Variants in LGALS13 observed in about 807,000 individuals in gnomAD.
The protein encoded by LGALS13 is galectin 13.
In LGALS13, 11 loss-of-function variants were observed where a neutral mutation model predicts 13.2. The ratio of observed to expected loss-of-function variants is 0.83; its 90% confidence interval spans 0.52 to 1.38. The LOEUF (loss-of-function observed/expected upper bound fraction) is 1.38. Among genes scored for constraint, LGALS13 ranks in the 40% most tolerant of loss-of-function variants. The pLI, the probability that LGALS13 is intolerant of heterozygous loss-of-function variation, is 0.00. For synonymous variants in LGALS13, 71 were observed against 63.7 expected (o/e 1.11, Z -0.54); for missense variants, 183 against 174.3 (o/e 1.05, Z -0.28).
At chr19:39,602,996 G>A (rs932354055) in intron 1 of LGALS13, among the ~76,000 whole-genome samples, 2 of 152,190 alleles carry the variant, frequency 1.3e-5, no homozygotes, top group African/African-American at 4.8e-5. Flanking sequence ...GTGAGCAGGT[G>A]TGTGTGACGC....
Position 39,606,624 on chromosome 19 carries a change from G to A in LGALS13, c.304-599G>A, listed in dbSNP as rs144271645. Among the ~76,000 whole-genome samples the A allele has an allele frequency of 2.0e-4, 30 of 152,316 alleles. No individual in the cohort carries two copies. The East Asian group carries it at 5.2e-3, about 26-fold the overall frequency. On this transcript the variant is annotated intron_variant, in intron 3 of 3. Transcript: ENST00000221797. ...CATACTTTCTGGCTTTCTCTAACGA[G>A]TAGGCCAAAACATTCACATCTTATT...
intron 1 of LGALS13, among the ~76,000 whole-genome samples, chr19:39,602,801 G>A (rs1201116716): frequency 6.6e-6 from 1 of 152,204 alleles, no homozygotes; most frequent in African/African-American, 2.4e-5. Flanking sequence ...TGAGTGTGAG[G>A]TGGTGTCTGA....
rs937174038 is a variant in LGALS13, at chr19:39,606,305, G to A, written c.303+917G>A. On this transcript the variant is annotated intron_variant, in intron 3 of 3. Coordinates refer to ENST00000221797, the MANE Select transcript of LGALS13 (RefSeq NM_013268.3). ...ATATTGAAGACATTATCAATCTGTC[G>A]TGCTGCTTCAGTTTTTAAAGATTGC... 7.2e-5 allele frequency among the ~76,000 whole-genome samples: 11 copies of A among 152,156 alleles called. No individual in the cohort carries two copies. In the South Asian group the frequency reaches 8.3e-4, roughly 11 times the overall value.
chr19:39,606,106 C>T (rs1275924810), intron 3 of LGALS13, among the ~76,000 whole-genome samples: 1 of 152,160 alleles, frequency 6.6e-6, no homozygotes, highest in Non-Finnish European at 1.5e-5. Context: ...TTTGGCCTCT[C>T]AATATAATGG....
At chr19:39,603,739 T>A (rs1972637098) in intron 1 of LGALS13, among the ~76,000 whole-genome samples, 1 of 152,202 alleles carries the variant, frequency 6.6e-6, no homozygotes, top group Admixed American at 6.5e-5. Flanking sequence ...TTCCCAGCTA[T>A]TCAAGAGGGA....
Position 39,607,269 on chromosome 19 carries a change from C to T in LGALS13, c.350C>T (p.Pro117Leu), listed in dbSNP as rs187900950. 5.6e-5 allele frequency: 90 copies of T among 1,614,060 alleles called. No individual in the cohort carries two copies. In the East Asian group the frequency reaches 1.0e-3, roughly 18 times the overall value. ...IRIYGFVHRIPPSFVKMVQVS... is the reference protein window; with the variant it reads ...IRIYGFVHRILPSFVKMVQVS... ...ATTTACGGCTTTGTCCATCGAATCCCGCCATCATTTGTGAAGATGGTGCAA... is the reference window on the plus strand; with the variant it reads ...ATTTACGGCTTTGTCCATCGAATCCTGCCATCATTTGTGAAGATGGTGCAA... Residue 117 changes from proline (P) to leucine (L), a missense_variant, in exon 4 of 4, where the codon CCG becomes CTG. Transcript: ENST00000221797.
chr19:39,606,235 C>T (rs1408700186), intron 3 of LGALS13, among the ~76,000 whole-genome samples: 1 of 152,224 alleles, frequency 6.6e-6, no homozygotes, highest in Admixed American at 6.5e-5. Context: ...AGTTGCTCTA[C>T]ACATTACGCT....
At position 39,602,561 on chromosome 19, in the gene LGALS13, A is replaced by G. The variant is rs1253628999; in HGVS notation, c.-8A>G. 20 of 1,614,000 alleles carry G rather than the reference A, an allele frequency of 1.2e-5. No homozygotes were observed. Among genetic ancestry groups the G allele is most frequent in the Non-Finnish European group, 1.6e-5 (19 of 1,179,936 alleles). ...TCAATTCTGAAGGTCGCCAAGAAGG[A>G]GAGAACAATGTCTTCTTTACCCGTG... On this transcript the variant is annotated 5_prime_UTR_variant, in exon 1 of 4. Coordinates refer to ENST00000221797, the MANE Select transcript of LGALS13 (RefSeq NM_013268.3).
At position 39,607,437 on chromosome 19, in the gene LGALS13, TC is replaced by T. The variant is rs1972710232; in HGVS notation, c.*102del. On this transcript the variant is annotated 3_prime_UTR_variant, in exon 4 of 4. Transcript: ENST00000221797. ...AACAGAATAATCCCTGCTCACATTT[TC>T]CCCTACACTTTGTCATTAAAACAGC... 2 of 827,754 alleles carry T rather than the reference TC, an allele frequency of 2.4e-6. No homozygotes were observed. The highest frequency in any genetic ancestry group is 2.7e-5 in the South Asian group (2 of 73,604). 51.3% of individuals were successfully genotyped at this position (827,754 alleles called of 1,614,324 possible).
chr19:39,607,300 G>C lies in LGALS13; in HGVS notation c.381G>C (p.Ser127=), dbSNP rs756342845. Residue 127 remains serine (S), a synonymous_variant, in exon 4 of 4, where the codon TCG becomes TCC. Transcript: ENST00000221797. ...CATTTGTGAAGATGGTGCAAGTGTC[G>C]AGAGATATCTCCCTGACCTCAGTGT... ...PPSFVKMVQV[S]RDISLTSVCV... 1 of 1,613,740 alleles carries C rather than the reference G, an allele frequency of 6.2e-7. No individual in the cohort carries two copies. The highest frequency in any genetic ancestry group is 1.3e-5 in the African/African-American group (1 of 74,880).
intron 1 of LGALS13, 97 bp downstream of exon 1, chr19:39,602,680 G>A: frequency 1.7e-6 from 2 of 1,210,758 alleles, no homozygotes; most frequent in South Asian, 1.2e-5. Context: ...CATTTTTGCT[G>A]TGAATGCTTT....
chr19:39,606,639 C>G (rs1972693457), intron 3 of LGALS13, among the ~76,000 whole-genome samples: 1 of 152,196 alleles, frequency 6.6e-6, no homozygotes, highest in Non-Finnish European at 1.5e-5. Flanking sequence ...CCAAAACATT[C>G]ACATCTTATT....
At chr19:39,602,685 T>A in intron 1 of LGALS13, 102 bp downstream of exon 1, 1 of 1,153,394 alleles carries the variant, frequency 8.7e-7, no homozygotes, top group Non-Finnish European at 1.3e-6. Context: ...TTGCTGTGAA[T>A]GCTTTACTTA....
At position 39,604,612 on chromosome 19, in the gene LGALS13, A is replaced by G. The variant is rs1415448561; in HGVS notation, c.26A>G (p.Lys9Arg). The G allele has an allele frequency of 6.2e-7, 1 of 1,614,108 alleles. No homozygotes were observed. The highest frequency in any genetic ancestry group is 1.7e-5 in the Admixed American group (1 of 60,022). ...TCAATACTCTGGCAGGTGCCATACA[A>G]ACTGCCTGTGTCTTTGTCTGTTGGT... MSSLPVPYKLPVSLSVGSC... is the reference protein window; with the variant it reads MSSLPVPYRLPVSLSVGSC... The change falls in exon 2 of 4, where the codon AAA becomes AGA. Residue 9 changes from lysine to arginine, a missense_variant. Lys to Arg is a conservative substitution (Grantham distance 26). Coordinates refer to ENST00000221797, the MANE Select transcript of LGALS13 (RefSeq NM_013268.3).
In LGALS13 at chr19:39,604,567, C is replaced by G. The variant is rs758643360; in HGVS notation, c.16-35C>G. On this transcript the variant is annotated intron_variant, in intron 1 of 3. Coordinates refer to ENST00000221797, the MANE Select transcript of LGALS13 (RefSeq NM_013268.3). Reference sequence around the variant, plus strand: ...TACAGGAGGGGAGACTGCACCTGACCCTGCACCTCTCACTTACTCTCAATA... The same window carrying G: ...TACAGGAGGGGAGACTGCACCTGACGCTGCACCTCTCACTTACTCTCAATA... The G allele has an allele frequency of 1.3e-5, 21 of 1,611,100 alleles. No individual in the cohort carries two copies. The Admixed American group carries it at 2.5e-4, about 19-fold the overall frequency.
intron 3 of LGALS13, among the ~76,000 whole-genome samples, chr19:39,606,636 A>G (rs912377016): frequency 6.6e-6 from 1 of 152,230 alleles, no homozygotes; most frequent in Non-Finnish European, 1.5e-5. Context: ...AGGCCAAAAC[A>G]TTCACATCTT....
intron 1 of LGALS13, chr19:39,604,102 G>A (rs1001517022): frequency 1.0e-5 from 5 of 486,298 alleles, no homozygotes; most frequent in African/African-American, 4.2e-5. Context: ...TCTCACTGGA[G>A]TGAATGTTTA....
chr19:39,603,149 C>A (rs1374150522), intron 1 of LGALS13, among the ~76,000 whole-genome samples: 2 of 152,152 alleles, frequency 1.3e-5, no homozygotes, highest in African/African-American at 2.4e-5. Context: ...TCCCATGTGG[C>A]TTAACTGGTG....
chr19:39,603,182 A>T (rs1298012696), intron 1 of LGALS13, among the ~76,000 whole-genome samples: 1 of 152,156 alleles, frequency 6.6e-6, no homozygotes, highest in African/African-American at 2.4e-5. Context: ...ATTGTGAGTT[A>T]CCAAGGACTT....
Sources: gnomAD v4.1 joint callset for allele counts (sites outside exome capture counted in the v4.1 genomes callset) on GRCh38, gnomAD v4.1.1 for gene constraint, MANE v1.5 for transcripts, NCBI Gene and HGNC (gene_info 2026-07-23, HGNC 2026-07-21) for gene names.